MAP3K4: variants seen among roughly 807,000 people sequenced by gnomAD.
The protein encoded by MAP3K4 is MAP three kinase 1.
Under a neutral mutation model 185.6 loss-of-function variants are expected in MAP3K4, and 67 were observed. The observed-to-expected ratio is 0.36, with a 90% CI of 0.30 to 0.44. The LOEUF (loss-of-function observed/expected upper bound fraction) is 0.44, where lower values mean the gene tolerates loss of function less well. Ranked by LOEUF, MAP3K4 falls within the 20% of genes least tolerant of loss-of-function variation. The pLI, the probability that MAP3K4 is intolerant of heterozygous loss-of-function variation, is 1.00. For synonymous variants in MAP3K4, 702 were observed against 710.4 expected, an observed-to-expected ratio of 0.99 and a Z score of 0.19; for missense variants, 1,551 against 1,995.1, an observed-to-expected ratio of 0.78 and a Z score of 4.24.
At position 161,091,314 on chromosome 6, in the gene MAP3K4, T is replaced by G; in HGVS notation, c.2974-65T>G. On this transcript the variant is annotated intron_variant, in intron 11 of 26. Coordinates refer to ENST00000392142, the MANE Select transcript of MAP3K4 (RefSeq NM_005922.4). The surrounding 1 kb of genome is among the most constrained non-coding windows in gnomAD (Gnocchi z 5.5). ...GTGTGATGATGAACGAAATCTTCCT[T>G]TAAAATGTGGTAAGTATTGTATGAT... is the stretch of plus-strand genomic sequence containing the variant. 7.3e-7 allele frequency: 1 copy of G among 1,365,998 alleles called. No homozygotes were observed. The highest frequency in any genetic ancestry group is 1.0e-6 in the Non-Finnish European group (1 of 1,004,732). 84.6% of individuals were successfully genotyped at this position (1,365,998 alleles called of 1,614,324 possible).
chr6:161,073,027 C>T lies in MAP3K4; in HGVS notation c.1951-439C>T, dbSNP rs906963029. On this transcript the variant is annotated intron_variant, in intron 4 of 26. Coordinates refer to ENST00000392142, the MANE Select transcript of MAP3K4 (RefSeq NM_005922.4). This position sits in a 1 kb window ranked among gnomAD's most constrained non-coding sequence, Gnocchi z 4.2. ...GTAGGTAAACTATGCTAAATTATTG[C>T]GAAGGCCACCTGCTTTGTGGTAAAA... 4.6e-5 allele frequency among the ~76,000 whole-genome samples: 7 copies of T among 151,982 alleles called. No individual in the cohort carries two copies. Among genetic ancestry groups the T allele is most frequent in the Admixed American group, 6.6e-5 (1 of 15,256 alleles).
At position 161,070,167 on chromosome 6, in the gene MAP3K4, G is replaced by A. The variant is rs1784875079; in HGVS notation, c.1708-441G>A. 6.6e-6 allele frequency among the ~76,000 whole-genome samples: 1 copy of A among 152,176 alleles called. No individual in the cohort carries two copies. The highest frequency in any genetic ancestry group is 1.5e-5 in the Non-Finnish European group (1 of 68,036). ...GATTAGTTTTTATGTTTTCATAAAT[G>A]GCTACTTAGGATGAGCTGTTATTTG... On this transcript the variant is annotated intron_variant, in intron 3 of 26. Transcript: ENST00000392142. The surrounding 1 kb of genome is among the most constrained non-coding windows in gnomAD (Gnocchi z 4.5).
At position 161,067,634 on chromosome 6, in the gene MAP3K4, C is replaced by T. The variant is rs998659427; in HGVS notation, c.1708-2974C>T. Among the ~76,000 whole-genome samples the T allele has an allele frequency of 2.6e-5, 4 of 152,210 alleles. No individual in the cohort carries two copies. Among genetic ancestry groups the T allele is most frequent in the Non-Finnish European group, 4.4e-5 (3 of 68,038 alleles). On this transcript the variant is annotated intron_variant, in intron 3 of 26. Coordinates refer to ENST00000392142, the MANE Select transcript of MAP3K4 (RefSeq NM_005922.4). The surrounding 1 kb of genome is among the most constrained non-coding windows in gnomAD (Gnocchi z 6.3). ...TCCTTAGTGCTAATGCAGATTACTA[C>T]GTGGAAACGGTGTGTTCTTCCAACT... is the stretch of plus-strand genomic sequence containing the variant.
At chr6:161,030,071 G>A (rs545096315) in intron 1 of MAP3K4, among the ~76,000 whole-genome samples, 6 of 152,116 alleles carry the variant, frequency 3.9e-5, no homozygotes, top group Non-Finnish European at 8.8e-5. Context: ...TGTTGGATCT[G>A]CGAGCTTATG....
At position 161,067,881 on chromosome 6, in the gene MAP3K4, CTG is replaced by C. The variant is rs968321449; in HGVS notation, c.1708-2725_1708-2724del. 1.3e-5 allele frequency among the ~76,000 whole-genome samples: 2 copies of C among 152,174 alleles called. No individual in the cohort carries two copies. The highest frequency in any genetic ancestry group is 2.9e-5 in the Non-Finnish European group (2 of 68,040). ...AAAATCAAAACATCCACTTTTAAAA[CTG>C]TAGACCTTGTCAATCTGTCACTAAC... On this transcript the variant is annotated intron_variant, in intron 3 of 26. Coordinates refer to ENST00000392142, the MANE Select transcript of MAP3K4 (RefSeq NM_005922.4). This position sits in a 1 kb window ranked among gnomAD's most constrained non-coding sequence, Gnocchi z 6.3.
At chr6:161,079,922 A>C (rs951003735) in intron 5 of MAP3K4, among the ~76,000 whole-genome samples, 1 of 152,220 alleles carries the variant, frequency 6.6e-6, no homozygotes, top group African/African-American at 2.4e-5. Flanking sequence ...ATCTTTCCCA[A>C]CAATGAAGTC....
At chr6:161,024,816 A>G (rs1467209155) in intron 1 of MAP3K4, among the ~76,000 whole-genome samples, 2 of 152,152 alleles carry the variant, frequency 1.3e-5, no homozygotes, top group Admixed American at 6.5e-5. Flanking sequence ...CCTTTCTGTC[A>G]CCAGAGTGTA....
chr6:161,070,537 T>C lies in MAP3K4; in HGVS notation c.1708-71T>C. The C allele has an allele frequency of 7.3e-7, 1 of 1,378,274 alleles. No homozygotes were observed. Among genetic ancestry groups the C allele is most frequent in the Non-Finnish European group, 1.0e-6 (1 of 1,003,264 alleles). The allele number at this position is 1,378,274 out of a possible 1,614,324, so 85.4% of individuals were successfully genotyped here. A position where few individuals can be genotyped will look rare whatever the true frequency, so the allele number is the denominator to read the frequency against. On this transcript the variant is annotated intron_variant, in intron 3 of 26. Coordinates refer to ENST00000392142, the MANE Select transcript of MAP3K4 (RefSeq NM_005922.4). This position sits in a 1 kb window ranked among gnomAD's most constrained non-coding sequence, Gnocchi z 4.5. ...GTTAGCACATTGTAGAGAATAAGAG[T>C]TTATAACCACAACCGTAGAACGTTG...
intron 3 of MAP3K4, among the ~76,000 whole-genome samples, chr6:161,065,523 C>A (rs1225169365): frequency 2.0e-5 from 3 of 152,180 alleles, no homozygotes; most frequent in African/African-American, 7.2e-5. Context: ...TTCTAGAACT[C>A]GAATTGTAGT....
At chr6:161,024,398 T>TA (rs138526373) in intron 1 of MAP3K4, among the ~76,000 whole-genome samples, 4,504 of 152,266 alleles carry the variant, frequency 0.03, 91 homozygotes, top group South Asian at 0.046. Flanking sequence ...AATGAACCAA[T>TA]ATTGACACTT....
rs1785833215 is a variant in MAP3K4 at position 161,088,126 on chromosome 6, A to G, written c.2823+172A>G. Among the ~76,000 whole-genome samples the G allele has an allele frequency of 6.6e-6, 1 of 152,184 alleles. No homozygotes were observed. Among genetic ancestry groups the G allele is most frequent in the Admixed American group, 6.5e-5 (1 of 15,272 alleles). ...GTCATTTTGCAGCATAATTTGTACA[A>G]TATATCATTCTGTTAAGTTAAATTA... On this transcript the variant is annotated intron_variant, in intron 10 of 26. Transcript: ENST00000392142. The surrounding 1 kb of genome is among the most constrained non-coding windows in gnomAD (Gnocchi z 4.5).
At position 161,060,496 on chromosome 6, in the gene MAP3K4, G is replaced by T. The variant is rs1310802782; in HGVS notation, c.1708-10112G>T. On this transcript the variant is annotated intron_variant, in intron 3 of 26. Coordinates refer to ENST00000392142, the MANE Select transcript of MAP3K4 (RefSeq NM_005922.4). ...TGGACAATGGGAACATATTCAATTG[G>T]CTTGACTCCTTTTTTCACAGTCCTT... Among the ~76,000 whole-genome samples the T allele has an allele frequency of 7.2e-5, 11 of 152,144 alleles. No individual in the cohort carries two copies. In the East Asian group the frequency reaches 2.1e-3, roughly 29 times the overall value.
intron 3 of MAP3K4, among the ~76,000 whole-genome samples, chr6:161,065,806 C>T (rs949962001): frequency 4.6e-5 from 7 of 151,934 alleles, no homozygotes; most frequent in African/African-American, 2.4e-5. Context: ...GGCGTGGTGG[C>T]GGGAGCCTGT....
At chr6:161,015,699 G>A (rs999448702) in intron 1 of MAP3K4, among the ~76,000 whole-genome samples, 4 of 152,044 alleles carry the variant, frequency 2.6e-5, no homozygotes, top group Non-Finnish European at 5.9e-5. Flanking sequence ...GGTGCGGGGC[G>A]GGGGGAAGGT....
intron 17 of MAP3K4, among the ~76,000 whole-genome samples, chr6:161,099,070 C>T (rs1777713719): frequency 6.6e-6 from 1 of 152,200 alleles, no homozygotes; most frequent in Non-Finnish European, 1.5e-5. Flanking sequence ...AGGATTTCAT[C>T]ATGTTCTCCT....
chr6:161,051,926 G>T lies in MAP3K4; in HGVS notation c.1707+1947G>T, dbSNP rs571344124. Among the ~76,000 whole-genome samples the T allele has an allele frequency of 2.6e-4, 39 of 152,246 alleles. No individual in the cohort carries two copies. Among genetic ancestry groups the T allele is most frequent in the African/African-American group, 8.9e-4 (37 of 41,546 alleles). ...GGACTCAAACTCGTGGGCTAAAACA[G>T]TCCTCCTGCCTTAGCCTCCTGAGTA... On this transcript the variant is annotated intron_variant, in intron 3 of 26. Coordinates refer to ENST00000392142, the MANE Select transcript of MAP3K4 (RefSeq NM_005922.4). This position sits in a 1 kb window ranked among gnomAD's most constrained non-coding sequence, Gnocchi z 4.2.
chr6:161,024,481 AT>A (rs1782547318), intron 1 of MAP3K4, among the ~76,000 whole-genome samples: 1 of 152,134 alleles, frequency 6.6e-6, no homozygotes, highest in South Asian at 2.1e-4. Context: ...CTGTTCCCAG[AT>A]CCCATCCAGG....
intron 11 of MAP3K4, 132 bp downstream of exon 11, chr6:161,089,603 C>T: frequency 1.2e-6 from 1 of 811,550 alleles, no homozygotes; most frequent in Non-Finnish European, 1.9e-6. Context: ...CCTCTCTTCC[C>T]AATACATATT....
chr6:161,041,899 T>G (rs1282759324), intron 2 of MAP3K4, among the ~76,000 whole-genome samples: 1 of 148,764 alleles, frequency 6.7e-6, no homozygotes. Context: ...GTAAAGGCCT[T>G]GAGTTATTGT....
Sources: allele counts gnomAD v4.1 joint callset (sites outside exome capture counted in the v4.1 genomes callset), GRCh38; gene constraint gnomAD v4.1.1; non-coding constraint Gnocchi (gnomAD v3.1); transcripts MANE v1.5; gene names NCBI Gene and HGNC (gene_info 2026-07-23, HGNC 2026-07-21).